The following CCDC88A variants were observed in gnomAD, a reference collection of about 807,000 sequenced individuals.
CCDC88A encodes girdin.
A neutral mutation model predicts 234.3 loss-of-function variants in CCDC88A; 54 were observed. The ratio of observed to expected loss-of-function variants is 0.23; its 90% CI spans 0.19 to 0.29. The LOEUF (loss-of-function observed/expected upper bound fraction) is 0.29. Ranked by LOEUF, CCDC88A falls within the 10% of genes least tolerant of loss-of-function variation. The probability of loss-of-function intolerance (pLI) is 1.00; values close to 1 mark genes in which losing one functional copy is unlikely to be tolerated. For synonymous variants in CCDC88A, 753 were observed against 737.8 expected (o/e 1.02, Z -0.33); for missense variants, 1,832 against 2,123.4 (o/e 0.86, Z 2.70).
chr2:55,398,231 G>A (rs894336615), intron 2 of CCDC88A, among the ~76,000 whole-genome samples: 3 of 152,080 alleles, frequency 2.0e-5, no homozygotes, highest in African/African-American at 4.8e-5. Context: ...ATAGAATAGC[G>A]GAGTTCTTGA....
At position 55,309,398 on chromosome 2, in the gene CCDC88A, G is replaced by A. The variant is rs891546207; in HGVS notation, c.4080-144C>T. The A allele has an allele frequency of 2.2e-6, 1 of 453,802 alleles. No homozygotes were observed. The allele number at this position is 453,802 out of a possible 1,614,324, so 28.1% of individuals were successfully genotyped here. On this transcript the variant is annotated intron_variant, in intron 23 of 32. Coordinates refer to ENST00000436346, the MANE Select transcript of CCDC88A (RefSeq NM_001365480.1). The surrounding 1 kb of genome is among the most constrained non-coding windows in gnomAD (Gnocchi z 5.1). Reference sequence around the variant, plus strand: ...TGGTTGGCAACTAAGATTTCATCAGGTAGTTAACAATGGGAATTTTTCCAT... The same window carrying A: ...TGGTTGGCAACTAAGATTTCATCAGATAGTTAACAATGGGAATTTTTCCAT...
At chr2:55,407,016 C>G (rs1679704441) in intron 2 of CCDC88A, among the ~76,000 whole-genome samples, 1 of 152,058 alleles carries the variant, frequency 6.6e-6, no homozygotes. Context: ...AGTTCAAGAC[C>G]AGCCTGGGAA....
chr2:55,367,215 A>C (rs1181982814), intron 5 of CCDC88A, among the ~76,000 whole-genome samples: 1 of 152,196 alleles, frequency 6.6e-6, no homozygotes, highest in Non-Finnish European at 1.5e-5. Context: ...TCATAGAGAC[A>C]TAAAGTAAAA....
chr2:55,322,004 A>T (rs1324477409), intron 18 of CCDC88A, among the ~76,000 whole-genome samples: 1 of 151,130 alleles, frequency 6.6e-6, no homozygotes, highest in African/African-American at 2.4e-5. Context: ...TTGAAGGGTA[A>T]GTATTTGTTG....
chr2:55,297,304 A>T (rs1316740772), intron 29 of CCDC88A: 2 of 66,934 alleles, frequency 3.0e-5, no homozygotes, highest in Non-Finnish European at 2.9e-5. Flanking sequence ...ATTTATATAT[A>T]ATTATATATA....
intron 25 of CCDC88A, among the ~76,000 whole-genome samples, chr2:55,305,294 A>AG (rs1283383684): frequency 3.3e-5 from 5 of 152,236 alleles, no homozygotes; most frequent in Non-Finnish European, 7.3e-5. Context: ...TATAGCAATG[A>AG]GTTTGTATAC....
intron 2 of CCDC88A, among the ~76,000 whole-genome samples, chr2:55,400,821 A>G (rs559237400): frequency 6.6e-6 from 1 of 152,276 alleles, no homozygotes; most frequent in African/African-American, 2.4e-5. Flanking sequence ...GTGGTTTTTG[A>G]TCATGGCACT....
At chr2:55,406,834 G>A (rs1470008276) in intron 2 of CCDC88A, among the ~76,000 whole-genome samples, 3 of 152,128 alleles carry the variant, frequency 2.0e-5, no homozygotes, top group Middle Eastern at 3.2e-3. Flanking sequence ...TCACCACCCA[G>A]GGAAAGGAGA....
intron 25 of CCDC88A, among the ~76,000 whole-genome samples, chr2:55,304,901 T>C (rs1458387097): frequency 3.3e-5 from 5 of 152,248 alleles, no homozygotes; most frequent in Non-Finnish European, 4.4e-5. Flanking sequence ...TTTGCTGTCA[T>C]CGTGTAAATA....
chr2:55,334,594 G>A lies in CCDC88A; in HGVS notation c.2227C>T (p.Leu743Phe). The part of the protein sequence containing the change: ...EKEQLKKGLE[L>F]LKASFKKTER... ...GTTTTCTTGAAAGATGCTTTCAGGA[G>A]CTCCAAACCCTTCTTAAGTTGCTCT... The change falls in exon 15 of 33, where the codon CTC (leucine) becomes TTC (phenylalanine). Residue 743 changes from leucine to phenylalanine, a missense_variant. Leu to Phe is a conservative substitution (Grantham distance 22). This residue lies in a region of CCDC88A where 1,282 missense variants were observed against 1,543.6 expected (regional missense o/e 0.83). Transcript: ENST00000436346. The surrounding 1 kb of genome is among the most constrained non-coding windows in gnomAD (Gnocchi z 6.1). 6.2e-7 allele frequency: 1 copy of A among 1,613,256 alleles called. No individual in the cohort carries two copies. Among genetic ancestry groups the A allele is most frequent in the Non-Finnish European group, 8.5e-7 (1 of 1,179,698 alleles).
intron 9 of CCDC88A, among the ~76,000 whole-genome samples, chr2:55,347,588 T>A (rs1319274982): frequency 6.7e-6 from 1 of 149,666 alleles, no homozygotes; most frequent in Admixed American, 6.7e-5. Flanking sequence ...AAAATACCTA[T>A]GTTATCTATT....
At chr2:55,382,339 C>G (rs375947938) in intron 3 of CCDC88A, among the ~76,000 whole-genome samples, 3 of 152,194 alleles carry the variant, frequency 2.0e-5, no homozygotes, top group African/African-American at 7.2e-5. Flanking sequence ...TCATACCATA[C>G]AAACATTTCC....
At chr2:55,337,853 C>G (rs1574167744) in intron 13 of CCDC88A, among the ~76,000 whole-genome samples, 2 of 151,482 alleles carry the variant, frequency 1.3e-5, no homozygotes, top group South Asian at 4.2e-4. Context: ...ATACTACTAC[C>G]AATAATAATG....
Position 55,343,765 on chromosome 2 carries a change from C to G in CCDC88A, c.1216G>C (p.Glu406Gln). ...MERDMDRKKI[E>Q]ELMEENMTLE... ...GTCATATTTTCTTCCATTAATTCTTCAATCTTTTTTCTATCCATATCTCGT... is the reference window on the plus strand; with the variant it reads ...GTCATATTTTCTTCCATTAATTCTTGAATCTTTTTTCTATCCATATCTCGT... Residue 406 changes from glutamate (E) to glutamine (Q), a missense_variant, in exon 12 of 33, where the codon GAA (glutamate) becomes CAA (glutamine). Around this residue, in one of 6 missense-constraint regions of CCDC88A, gnomAD observed 1,282 missense variants for 1,543.6 expected, o/e 0.83. Coordinates refer to ENST00000436346, the MANE Select transcript of CCDC88A (RefSeq NM_001365480.1). 6.2e-7 allele frequency: 1 copy of G among 1,610,688 alleles called. No individual in the cohort carries two copies. Among genetic ancestry groups the G allele is most frequent in the South Asian group, 1.1e-5 (1 of 90,492 alleles).
intron 29 of CCDC88A, among the ~76,000 whole-genome samples, chr2:55,298,363 C>A (rs1046888958): frequency 1.1e-4 from 16 of 151,580 alleles, no homozygotes; most frequent in African/African-American, 3.9e-4. Flanking sequence ...TAATTTATTT[C>A]TTTTAAGGCT....
chr2:55,349,728 A>G, intron 8 of CCDC88A, 129 bp from the exon 9 acceptor site: 1 of 508,080 alleles, frequency 2.0e-6, no homozygotes, highest in Non-Finnish European at 3.3e-6. Flanking sequence ...ACCCTAATCT[A>G]GAAGATAAAA....
At chr2:55,320,660 A>G (rs1172385253) in intron 18 of CCDC88A, among the ~76,000 whole-genome samples, 1 of 151,634 alleles carries the variant, frequency 6.6e-6, no homozygotes, top group Non-Finnish European at 1.5e-5. Context: ...TAAATGGCCA[A>G]TAAATATATG....
rs1018263977 is a variant in CCDC88A, at chr2:55,336,607, T to C, written c.1656+74A>G. ...CTTTAATGTTTATATGAACATTTTGTTTGCATATATTTTAAATAACTTTTG... is the reference window on the plus strand; with the variant it reads ...CTTTAATGTTTATATGAACATTTTGCTTGCATATATTTTAAATAACTTTTG... On this transcript the variant is annotated intron_variant, in intron 14 of 32. Coordinates refer to ENST00000436346, the MANE Select transcript of CCDC88A (RefSeq NM_001365480.1). The C allele has an allele frequency of 1.4e-5, 13 of 915,432 alleles. No individual in the cohort carries two copies. The African/African-American group carries it at 1.9e-4, about 14-fold the overall frequency. 56.7% of individuals were successfully genotyped at this position (915,432 alleles called of 1,614,324 possible).
At chr2:55,387,756 T>G (rs1574412393) in intron 3 of CCDC88A, among the ~76,000 whole-genome samples, 1 of 119,748 alleles carries the variant, frequency 8.4e-6, no homozygotes, top group Non-Finnish European at 1.6e-5. Flanking sequence ...CACTCCAGCC[T>G]GGGTGACAGT....
Sources: allele counts gnomAD v4.1 joint callset (sites outside exome capture counted in the v4.1 genomes callset), GRCh38; gene constraint gnomAD v4.1.1; regional missense constraint gnomAD v4.1.1; non-coding constraint Gnocchi (gnomAD v3.1); transcripts MANE v1.5; gene names NCBI Gene and HGNC (gene_info 2026-07-23, HGNC 2026-07-21).